Variants in CHD7 observed in about 807,000 individuals in gnomAD.
The protein encoded by CHD7 is chromodomain helicase DNA binding protein 7.
In CHD7, 24 loss-of-function variants were observed where a neutral mutation model predicts 307.3. That is an observed-to-expected ratio of 0.08 (90% CI 0.06 to 0.11). The LOEUF (loss-of-function observed/expected upper bound fraction) is 0.11, where lower values mean the gene tolerates loss of function less well. Ranked by LOEUF, CHD7 falls within the 10% of genes least tolerant of loss-of-function variation. CHD7 has a pLI of 1.00. For synonymous variants in CHD7, 1,363 were observed against 1,349.9 expected, an observed-to-expected ratio of 1.01 and a Z score of -0.21; for missense variants, 3,106 against 3,727.1, an observed-to-expected ratio of 0.83 and a Z score of 4.34.
chr8:60,776,113 A>G (rs187470929), intron 2 of CHD7, among the ~76,000 whole-genome samples: 1 of 152,202 alleles, frequency 6.6e-6, no homozygotes, highest in Non-Finnish European at 1.5e-5. Flanking sequence ...TATGTGACAC[A>G]TTTGAATATC....
rs144391780 is a variant in CHD7 at position 60,840,612 on chromosome 8, A to G, written c.4534-1032A>G. Among the ~76,000 whole-genome samples the G allele has an allele frequency of 7.9e-5, 11 of 138,622 alleles. No homozygotes were observed. The East Asian group carries it at 2.5e-3, about 32-fold the overall frequency. The allele number at this position is 138,622 out of a possible 152,430, so 90.9% of individuals were successfully genotyped here. ...CAGCTTCCCAATAATTTTACCTTTT[A>G]AAGAATATGTTTCTTTTTTTTTTTT... On this transcript the variant is annotated intron_variant, in intron 19 of 37. Transcript: ENST00000423902.
chr8:60,683,191 C>T (rs980214107), intron 1 of CHD7, among the ~76,000 whole-genome samples: 16 of 152,320 alleles, frequency 1.1e-4, no homozygotes, highest in African/African-American at 3.8e-4. Context: ...ATACTATTTT[C>T]CCCTTTCTCT....
chr8:60,815,294 T>C (rs1165082746), intron 7 of CHD7, among the ~76,000 whole-genome samples: 1 of 152,244 alleles, frequency 6.6e-6, no homozygotes, highest in East Asian at 1.9e-4. Flanking sequence ...TTTTTGTTTT[T>C]ACTTTTTCTT....
chr8:60,705,128 T>TAC (rs1196083085), intron 1 of CHD7, among the ~76,000 whole-genome samples: 5 of 152,122 alleles, frequency 3.3e-5, no homozygotes, highest in African/African-American at 1.2e-4. Flanking sequence ...TAGTTGATGG[T>TAC]ATAAGAGTCC....
rs557197906 is a variant in CHD7, at chr8:60,802,153, T to C, written c.2442+560T>C. 2.0e-5 allele frequency among the ~76,000 whole-genome samples: 3 copies of C among 152,372 alleles called. No individual in the cohort carries two copies. In the South Asian group the frequency reaches 6.2e-4, roughly 32 times the overall value. Reference sequence around the variant, plus strand: ...CTTCAGAGTTATTCAAAGTTTCTGTTCATCTGCAAAGGTGAGCTCTAAGTA... The same window carrying C: ...CTTCAGAGTTATTCAAAGTTTCTGTCCATCTGCAAAGGTGAGCTCTAAGTA... On this transcript the variant is annotated intron_variant, in intron 6 of 37. Coordinates refer to ENST00000423902, the MANE Select transcript of CHD7 (RefSeq NM_017780.4).
intron 2 of CHD7, among the ~76,000 whole-genome samples, chr8:60,775,590 C>CA (rs1309846076): frequency 6.6e-6 from 1 of 152,152 alleles, no homozygotes; most frequent in Non-Finnish European, 1.5e-5. Flanking sequence ...TCAGTATAAT[C>CA]AAAAGTATAT....
At chr8:60,709,613 C>CA (rs1255242796) in intron 1 of CHD7, among the ~76,000 whole-genome samples, 2 of 152,076 alleles carry the variant, frequency 1.3e-5, no homozygotes, top group African/African-American at 4.8e-5. Flanking sequence ...ATCCTATGTA[C>CA]ATTTAAGTTT....
chr8:60,794,585 A>T (rs1586339956), intron 3 of CHD7, among the ~76,000 whole-genome samples: 1 of 152,220 alleles, frequency 6.6e-6, no homozygotes, highest in East Asian at 1.9e-4. Flanking sequence ...TAAGTATGTA[A>T]AACTATCCAC....
intron 37 of CHD7, 193 bp from the exon 38 acceptor site, chr8:60,864,823 C>A (rs1009398107): frequency 3.3e-6 from 2 of 609,478 alleles, no homozygotes; most frequent in African/African-American, 3.7e-5. Flanking sequence ...AGCAATTTTT[C>A]TGCAGTTCAG....
chr8:60,817,129 G>T (rs185449669), intron 8 of CHD7, among the ~76,000 whole-genome samples: 1 of 152,304 alleles, frequency 6.6e-6, no homozygotes, highest in Non-Finnish European at 1.5e-5. Context: ...TTTTTAAAAA[G>T]TGCTTTCACA....
chr8:60,843,628 G>GA (rs1192532548), intron 21 of CHD7, among the ~76,000 whole-genome samples: 8 of 152,220 alleles, frequency 5.3e-5, no homozygotes, highest in Non-Finnish European at 8.8e-5. Flanking sequence ...CTGTGACAGG[G>GA]AAGCACTCTG....
intron 1 of CHD7, among the ~76,000 whole-genome samples, chr8:60,689,768 C>CA (rs1180721146): frequency 2.0e-5 from 3 of 152,236 alleles, no homozygotes; most frequent in Admixed American, 2.0e-4. Context: ...ACCTGAAAGA[C>CA]ACATGCTCAT....
Position 60,800,286 on chromosome 8 carries a change from C to A in CHD7, c.2239-102C>A. On this transcript the variant is annotated intron_variant, in intron 4 of 37. Transcript: ENST00000423902. ...TGACCTTGTGATCCGCCCGCCTCGG[C>A]CTCCCAAAGTGCTGGGATTACAGGC... 1.5e-5 allele frequency: 18 copies of A among 1,164,608 alleles called. No individual in the cohort carries two copies. The South Asian group carries it at 2.9e-4, about 19-fold the overall frequency. The allele number at this position is 1,164,608 out of a possible 1,614,324, so 72.1% of individuals were successfully genotyped here.
At chr8:60,764,880 A>G (rs541871174) in intron 2 of CHD7, among the ~76,000 whole-genome samples, 2 of 152,364 alleles carry the variant, frequency 1.3e-5, no homozygotes, top group African/African-American at 4.8e-5. Context: ...TGTAGCTTTC[A>G]TAGAACAGCA....
rs542654368 is a variant in CHD7, at chr8:60,841,825, G to A, written c.4645-22G>A. 10 of 1,609,376 alleles carry A rather than the reference G, an allele frequency of 6.2e-6. No homozygotes were observed. The East Asian group carries it at 6.7e-5, about 11-fold the overall frequency. On this transcript the variant is annotated intron_variant, in intron 20 of 37. Coordinates refer to ENST00000423902, the MANE Select transcript of CHD7 (RefSeq NM_017780.4). ...AGCCACTCTTTGAGAAATGTCAAAT[G>A]TATCTCCTCTTTTATTATTAGAACA... is the stretch of plus-strand genomic sequence containing the variant.
intron 8 of CHD7, among the ~76,000 whole-genome samples, chr8:60,816,720 G>A (rs1254245989): frequency 6.6e-6 from 1 of 152,156 alleles, no homozygotes; most frequent in South Asian, 2.1e-4. Flanking sequence ...GATATTATGT[G>A]GAAATAGCGG....
At chr8:60,754,104 C>G (rs1305366993) in intron 2 of CHD7, among the ~76,000 whole-genome samples, 1 of 152,204 alleles carries the variant, frequency 6.6e-6, no homozygotes, top group African/African-American at 2.4e-5. Context: ...TCTCACCCCT[C>G]CACTATTCTG....
intron 2 of CHD7, among the ~76,000 whole-genome samples, chr8:60,761,055 C>T (rs1020997377): frequency 1.4e-4 from 21 of 152,058 alleles, no homozygotes; most frequent in Non-Finnish European, 1.9e-4. Context: ...ATGTTTACTG[C>T]GGCATTATTC....
At chr8:60,779,865 G>T (rs1395059210) in intron 2 of CHD7, among the ~76,000 whole-genome samples, 1 of 152,116 alleles carries the variant, frequency 6.6e-6, no homozygotes, top group East Asian at 1.9e-4. Context: ...TAGAGTGGCG[G>T]TGTCTTCAAC....
Sources: allele counts gnomAD v4.1 joint callset (sites outside exome capture counted in the v4.1 genomes callset), GRCh38; gene constraint gnomAD v4.1.1; transcripts MANE v1.5; gene names NCBI Gene and HGNC (gene_info 2026-07-23, HGNC 2026-07-21).